MYO1D: variants seen among roughly 807,000 people sequenced by gnomAD.
MYO1D encodes unconventional myosin-Id.
A neutral mutation model predicts 122.0 loss-of-function variants in MYO1D; 83 were observed. That is an observed-to-expected ratio of 0.68 (90% CI 0.57 to 0.82). The LOEUF is 0.82. Ranked by LOEUF, MYO1D falls within the 40% of genes least tolerant of loss-of-function variation. The pLI, the probability that MYO1D is intolerant of heterozygous loss-of-function variation, is 0.00. For synonymous variants in MYO1D, 464 were observed against 446.9 expected, an observed-to-expected ratio of 1.04 and a Z score of -0.48; for missense variants, 1,157 against 1,269.5, an observed-to-expected ratio of 0.91 and a Z score of 1.35.
intron 14 of MYO1D, among the ~76,000 whole-genome samples, chr17:32,723,636 T>TCTGCCTGCCC (rs1345282691): frequency 6.6e-6 from 1 of 152,042 alleles, no homozygotes; most frequent in Non-Finnish European, 1.5e-5. Flanking sequence ...CTCGAGAGGG[T>TCTGCCTGCCC]CTGCCTGCCC....
intron 21 of MYO1D, among the ~76,000 whole-genome samples, chr17:32,559,557 C>G (rs1208903212): frequency 2.6e-5 from 4 of 152,230 alleles, no homozygotes; most frequent in Admixed American, 6.5e-5. Context: ...TGTATACTCA[C>G]TTTCTTTTTC....
rs2087614361 is a variant in MYO1D at position 32,605,374 on chromosome 17, C to A, written c.2710-133G>T. On this transcript the variant is annotated intron_variant, in intron 20 of 21. Transcript: ENST00000318217. The stretch of plus-strand genomic sequence containing the variant: ...ACTTGGGAGGCTGATACAGGATGAT[C>A]ATTTGAGCCCTGGAGTTTGAATCCA... The A allele has an allele frequency of 5.5e-6, 4 of 720,856 alleles. No homozygotes were observed. In the East Asian group the frequency reaches 1.2e-4, roughly 21 times the overall value. The allele number at this position is 720,856 out of a possible 1,614,324, so 44.7% of individuals were successfully genotyped here. A position where few individuals can be genotyped will look rare whatever the true frequency, so the allele number is the denominator to read the frequency against.
At chr17:32,567,310 A>C (rs2087183028) in intron 21 of MYO1D, among the ~76,000 whole-genome samples, 1 of 152,242 alleles carries the variant, frequency 6.6e-6, no homozygotes, top group South Asian at 2.1e-4. Context: ...ATGCTGACTC[A>C]GCGAATGAAT....
chr17:32,871,343 C>T (rs1218477620), intron 1 of MYO1D, among the ~76,000 whole-genome samples: 14 of 152,074 alleles, frequency 9.2e-5, no homozygotes, highest in African/African-American at 3.4e-4. Context: ...CACAGGACAG[C>T]CCCTACAACA....
chr17:32,579,914 G>A (rs1424844734), intron 21 of MYO1D, among the ~76,000 whole-genome samples: 1 of 152,054 alleles, frequency 6.6e-6, no homozygotes. Context: ...GGTTATTCCC[G>A]GTTTTTGGCT....
At chr17:32,641,256 G>A (rs1401875715) in intron 19 of MYO1D, among the ~76,000 whole-genome samples, 2 of 150,538 alleles carry the variant, frequency 1.3e-5, no homozygotes, top group African/African-American at 4.9e-5. Context: ...CCCTACAAAG[G>A]ACATGAACTC....
intron 16 of MYO1D, among the ~76,000 whole-genome samples, chr17:32,683,502 C>G (rs1422266170): frequency 6.6e-6 from 1 of 151,998 alleles, no homozygotes; most frequent in Non-Finnish European, 1.5e-5. Context: ...TGTTGGAATA[C>G]CCTGCCGTGT....
chr17:32,578,113 G>C (rs2087296230), intron 21 of MYO1D, among the ~76,000 whole-genome samples: 1 of 152,210 alleles, frequency 6.6e-6, no homozygotes, highest in African/African-American at 2.4e-5. Flanking sequence ...AGAGATGGCT[G>C]GCACAAACTG....
chr17:32,583,024 T>C (rs192727022), intron 21 of MYO1D, among the ~76,000 whole-genome samples: 1 of 152,360 alleles, frequency 6.6e-6, no homozygotes, highest in East Asian at 1.9e-4. Context: ...ATGTAGTATA[T>C]TTTTATTCTT....
chr17:32,673,223 C>T (rs538205554), intron 16 of MYO1D, among the ~76,000 whole-genome samples: 26 of 145,802 alleles, frequency 1.8e-4, no homozygotes, highest in Non-Finnish European at 3.3e-4. Flanking sequence ...TGTGCCTCAG[C>T]CTCCTGAGTA....
chr17:32,544,691 G>GA (rs2086950254), intron 21 of MYO1D, among the ~76,000 whole-genome samples: 1 of 152,154 alleles, frequency 6.6e-6, no homozygotes, highest in Non-Finnish European at 1.5e-5. Flanking sequence ...CTTGCATATA[G>GA]AAAAATAAGA....
At chr17:32,614,381 T>C (rs572650921) in intron 20 of MYO1D, among the ~76,000 whole-genome samples, 2 of 152,288 alleles carry the variant, frequency 1.3e-5, no homozygotes, top group East Asian at 3.9e-4. Context: ...TTTTTGGATG[T>C]ACTATTCAAC....
At chr17:32,558,708 A>C (rs764151441) in intron 21 of MYO1D, among the ~76,000 whole-genome samples, 1 of 152,136 alleles carries the variant, frequency 6.6e-6, no homozygotes, top group Non-Finnish European at 1.5e-5. Flanking sequence ...TTCTATTTTA[A>C]AATGTGCTTC....
intron 19 of MYO1D, among the ~76,000 whole-genome samples, chr17:32,643,844 A>G (rs2088243933): frequency 6.6e-6 from 1 of 152,076 alleles, no homozygotes; most frequent in African/African-American, 2.4e-5. Context: ...GTGGTCTATC[A>G]ATTTTGTTGA....
chr17:32,804,702 T>C (rs560665863), intron 1 of MYO1D, among the ~76,000 whole-genome samples: 4 of 152,324 alleles, frequency 2.6e-5, no homozygotes, highest in Non-Finnish European at 4.4e-5. Flanking sequence ...TAATAGTTCC[T>C]AGAACAGTGT....
intron 16 of MYO1D, among the ~76,000 whole-genome samples, chr17:32,686,014 G>T (rs1363074429): frequency 6.6e-6 from 1 of 152,150 alleles, no homozygotes. Context: ...GATGTGGTAG[G>T]CTGAACAATG....
At chr17:32,532,681 G>GCA (rs1188168280) in intron 21 of MYO1D, among the ~76,000 whole-genome samples, 3 of 137,924 alleles carry the variant, frequency 2.2e-5, no homozygotes, top group African/African-American at 8.3e-5. Flanking sequence ...AGCCGAGATT[G>GCA]CCACTGCACT....
At chr17:32,761,321 A>G (rs2151016627) in intron 8 of MYO1D, among the ~76,000 whole-genome samples, 1 of 152,188 alleles carries the variant, frequency 6.6e-6, no homozygotes, top group South Asian at 2.1e-4. Context: ...CTCCACTTAC[A>G]TCCTATTACT....
At chr17:32,642,751 T>C (rs535905217) in intron 19 of MYO1D, among the ~76,000 whole-genome samples, 19 of 152,326 alleles carry the variant, frequency 1.2e-4, no homozygotes, top group Non-Finnish European at 2.1e-4. Context: ...ATAAGAATGC[T>C]TGAGATTTTT....
Sources: allele counts gnomAD v4.1 joint callset (sites outside exome capture counted in the v4.1 genomes callset), GRCh38; gene constraint gnomAD v4.1.1; transcripts MANE v1.5; gene names NCBI Gene and HGNC (gene_info 2026-07-23, HGNC 2026-07-21).